Variants in NEO1 observed in about 807,000 individuals in gnomAD.
NEO1 encodes the protein neogenin.
A neutral mutation model predicts 159.7 loss-of-function variants in NEO1; 63 were observed. The ratio of observed to expected loss-of-function variants is 0.39; its 90% CI spans 0.32 to 0.49. The LOEUF is 0.49. NEO1 is among the 20% of genes least tolerant of loss of function. NEO1 has a pLI of 0.85. For missense variants in NEO1, 1,615 were observed against 1,831.0 expected (o/e 0.88, Z 2.15); for synonymous variants, 633 against 662.0 (o/e 0.96, Z 0.67).
intron 5 of NEO1, among the ~76,000 whole-genome samples, chr15:73,156,904 C>T (rs2033820574): frequency 6.6e-6 from 1 of 152,098 alleles, no homozygotes; most frequent in Admixed American, 6.5e-5. Flanking sequence ...GTTCTCAGGC[C>T]CCTGGTGAAA....
At chr15:73,261,510 G>A (rs953555896) in intron 15 of NEO1, among the ~76,000 whole-genome samples, 1 of 152,068 alleles carries the variant, frequency 6.6e-6, no homozygotes, top group Non-Finnish European at 1.5e-5. Flanking sequence ...AAAAACAGTT[G>A]TATCTCCATA....
intron 7 of NEO1, among the ~76,000 whole-genome samples, chr15:73,213,498 A>T (rs547241093): frequency 2.0e-5 from 3 of 152,154 alleles, no homozygotes; most frequent in African/African-American, 7.2e-5. Context: ...TAGCTCCCAC[A>T]TGTCGGTGAG....
At chr15:73,223,571 A>AACAACTGCT (rs1243116349) in intron 7 of NEO1, among the ~76,000 whole-genome samples, 1 of 152,108 alleles carries the variant, frequency 6.6e-6, no homozygotes, top group Non-Finnish European at 1.5e-5. Flanking sequence ...GTTGCTTTAA[A>AACAACTGCT]GTTTGTTTTG....
intron 1 of NEO1, among the ~76,000 whole-genome samples, chr15:73,094,586 C>T (rs1314267648): frequency 3.3e-5 from 5 of 152,152 alleles, no homozygotes; most frequent in Non-Finnish European, 2.9e-5. Context: ...GAATTAGTAT[C>T]TACACAATTG....
At chr15:73,276,354 T>C (rs532741030) in intron 21 of NEO1, among the ~76,000 whole-genome samples, 3 of 152,246 alleles carry the variant, frequency 2.0e-5, no homozygotes, top group African/African-American at 7.2e-5. Flanking sequence ...CTGGATAGTT[T>C]GGCTTAAATG....
chr15:73,172,594 C>T lies in NEO1; in HGVS notation c.1016-3809C>T, dbSNP rs143264113. 3.3e-3 allele frequency among the ~76,000 whole-genome samples: 499 copies of T among 152,280 alleles called. 3 individuals are homozygous for T. Among genetic ancestry groups the T allele is most frequent in the African/African-American group, 0.012 (479 of 41,550 alleles). Reference sequence around the variant, plus strand: ...GAACTCAACTTTATGTCTCTTGACTCCTAGTCTTTACAACTGCTTCACAGT... The same window carrying T: ...GAACTCAACTTTATGTCTCTTGACTTCTAGTCTTTACAACTGCTTCACAGT... On this transcript the variant is annotated intron_variant, in intron 5 of 28. Coordinates refer to ENST00000261908, the MANE Select transcript of NEO1 (RefSeq NM_002499.4).
In NEO1 at chr15:73,225,467, C is replaced by T. The variant is rs28593072; in HGVS notation, c.1292-10880C>T. ...TGTCTGAGCTCAGACTCTCCTTGGG[C>T]GCGTCTCCCTGCGGCTGCTGTGGAG... On this transcript the variant is annotated intron_variant, in intron 7 of 28. Coordinates refer to ENST00000261908, the MANE Select transcript of NEO1 (RefSeq NM_002499.4). Among the ~76,000 whole-genome samples, 424 of 152,104 alleles carry T rather than the reference C, an allele frequency of 2.8e-3. 2 individuals carry two copies. Among genetic ancestry groups the T allele is most frequent in the Middle Eastern group, 6.8e-3 (2 of 294 alleles).
chr15:73,115,863 A>G (rs188271149), intron 1 of NEO1, among the ~76,000 whole-genome samples: 2,038 of 152,326 alleles, frequency 0.013, 18 homozygotes, highest in South Asian at 0.017. Context: ...TGAATTCTAG[A>G]TGAAGATTAA....
At chr15:73,267,998 A>G (rs1361871453) in intron 16 of NEO1, among the ~76,000 whole-genome samples, 2 of 152,196 alleles carry the variant, frequency 1.3e-5, no homozygotes, top group Non-Finnish European at 2.9e-5. Context: ...CCTTTCCTGA[A>G]GGAAGAGTAC....
Position 73,274,679 on chromosome 15 carries a change from C to G in NEO1, c.3161-13C>G. 6.2e-7 allele frequency: 1 copy of G among 1,613,688 alleles called. No homozygotes were observed. The highest frequency in any genetic ancestry group is 8.5e-7 in the Non-Finnish European group (1 of 1,179,768). On this transcript the variant is annotated splice_polypyrimidine_tract_variant and intron_variant, in intron 20 of 28. Transcript: ENST00000261908. ...TGCTCTTGTTTTTTCTTCCCCTGTG[C>G]TTGGCCTGTTAGCGGACTCCTCTGA... is the stretch of plus-strand genomic sequence containing the variant.
In NEO1 at chr15:73,179,524, A is replaced by G. The variant is rs1469633010; in HGVS notation, c.1291+1097A>G. Among the ~76,000 whole-genome samples, 4 of 152,192 alleles carry G rather than the reference A, an allele frequency of 2.6e-5. No individual in the cohort carries two copies. The East Asian group carries it at 7.7e-4, about 29-fold the overall frequency. On this transcript the variant is annotated intron_variant, in intron 7 of 28. Coordinates refer to ENST00000261908, the MANE Select transcript of NEO1 (RefSeq NM_002499.4). ...CAGGTGTAAGGGGAAGCTGCTGGCT[A>G]TAGGAGGCTGCCAGGGTAGTACACT...
In NEO1 at chr15:73,302,999, C is replaced by A; in HGVS notation, c.*303C>A. ...GGCGAGAAGTGCAACCTGCATTTCA[C>A]TTTGTGGTCAGGCCGTGTCTTTGTG... On this transcript the variant is annotated 3_prime_UTR_variant, in exon 29 of 29. Transcript: ENST00000261908. The A allele has an allele frequency of 6.2e-6, 2 of 320,620 alleles. No homozygotes were observed. The highest frequency in any genetic ancestry group is 9.4e-5 in the South Asian group (2 of 21,342). 19.9% of individuals were successfully genotyped at this position (320,620 alleles called of 1,614,324 possible). A position where few individuals can be genotyped will look rare whatever the true frequency, so the allele number is the denominator to read the frequency against.
intron 27 of NEO1, among the ~76,000 whole-genome samples, chr15:73,300,943 A>T: frequency 6.6e-6 from 1 of 152,168 alleles, no homozygotes; most frequent in East Asian, 1.9e-4. Flanking sequence ...AATTTGTGCT[A>T]AGGCTCCAGC....
intron 4 of NEO1, among the ~76,000 whole-genome samples, chr15:73,129,575 AG>A (rs886722324): frequency 4.6e-5 from 7 of 152,176 alleles, no homozygotes; most frequent in African/African-American, 1.7e-4. Context: ...CTAATGAAAG[AG>A]GGGGGTGGAA....
intron 5 of NEO1, among the ~76,000 whole-genome samples, chr15:73,158,536 C>T (rs898364467): frequency 6.6e-6 from 1 of 151,632 alleles, no homozygotes; most frequent in Admixed American, 6.6e-5. Context: ...TAACTGGGAC[C>T]ACTACGACAC....
At chr15:73,100,298 C>T (rs2070327597) in intron 1 of NEO1, among the ~76,000 whole-genome samples, 1 of 151,870 alleles carries the variant, frequency 6.6e-6, no homozygotes, top group Non-Finnish European at 1.5e-5. Context: ...CTATTTATTT[C>T]CTTCCCTGCC....
intron 5 of NEO1, among the ~76,000 whole-genome samples, chr15:73,170,125 AATTATAATTCC>A (rs796338218): frequency 3.3e-5 from 5 of 152,250 alleles, no homozygotes; most frequent in African/African-American, 1.2e-4. Context: ...AAGTATATGG[AATTATAATTCC>A]ATGTAAATTT....
chr15:73,116,146 T>C (rs1395635970), intron 1 of NEO1, among the ~76,000 whole-genome samples: 2 of 152,140 alleles, frequency 1.3e-5, no homozygotes, highest in African/African-American at 4.8e-5. Context: ...CTGATAAACA[T>C]AAAAAGATAC....
intron 1 of NEO1, among the ~76,000 whole-genome samples, chr15:73,115,133 C>A (rs1219075026): frequency 5.3e-5 from 8 of 152,042 alleles, no homozygotes; most frequent in Non-Finnish European, 5.9e-5. Context: ...ACCTCCACCT[C>A]CCAGGTTCAA....
Sources: gnomAD v4.1 joint callset for allele counts (sites outside exome capture counted in the v4.1 genomes callset) on GRCh38, gnomAD v4.1.1 for gene constraint, MANE v1.5 for transcripts, NCBI Gene and HGNC (gene_info 2026-07-23, HGNC 2026-07-21) for gene names.